CDH20: variants seen among roughly 807,000 people sequenced by gnomAD.
CDH20 encodes cadherin 20, also known as cadherin-20.
A neutral mutation model predicts 74.2 loss-of-function variants in CDH20; 29 were observed. The ratio of observed to expected loss-of-function variants is 0.39; its 90% CI spans 0.29 to 0.53. The LOEUF (loss-of-function observed/expected upper bound fraction) is 0.53. Ranked by LOEUF, CDH20 falls within the 20% of genes least tolerant of loss-of-function variation. CDH20 has a pLI of 0.69. For synonymous variants in CDH20, 469 were observed against 405.4 expected (o/e 1.16, Z -1.88); for missense variants, 988 against 1,048.3 (o/e 0.94, Z 0.79).
intron 1 of CDH20, among the ~76,000 whole-genome samples, chr18:61,405,996 G>A (rs1244807256): frequency 2.6e-5 from 4 of 152,036 alleles, no homozygotes; most frequent in Non-Finnish European, 5.9e-5. Flanking sequence ...CCTCCTTCTT[G>A]GCATTCATCT....
intron 6 of CDH20, among the ~76,000 whole-genome samples, chr18:61,527,366 A>AACAG (rs1555683338): frequency 7.0e-6 from 1 of 142,054 alleles, no homozygotes; most frequent in Admixed American, 7.3e-5. Context: ...TGAATATTCT[A>AACAG]ATAGATAGAT....
chr18:61,439,881 T>C (rs1375486480), intron 1 of CDH20, among the ~76,000 whole-genome samples: 1 of 152,134 alleles, frequency 6.6e-6, no homozygotes, highest in Non-Finnish European at 1.5e-5. Context: ...TTTGGCATAT[T>C]CCTATTTCAA....
chr18:61,485,776 G>GA (rs559579867), intron 1 of CDH20, among the ~76,000 whole-genome samples: 177 of 152,164 alleles, frequency 1.2e-3, no homozygotes, highest in African/African-American at 3.7e-3. Flanking sequence ...TCGAGAAATA[G>GA]AAAAAAACCC....
At chr18:61,464,733 CA>C (rs1909907461) in intron 1 of CDH20, among the ~76,000 whole-genome samples, 1 of 152,156 alleles carries the variant, frequency 6.6e-6, no homozygotes, top group Non-Finnish European at 1.5e-5. Flanking sequence ...CAACCACACC[CA>C]TTTATCAATA....
chr18:61,408,816 C>G (rs1912408886), intron 1 of CDH20, among the ~76,000 whole-genome samples: 1 of 152,156 alleles, frequency 6.6e-6, no homozygotes, highest in Non-Finnish European at 1.5e-5. Context: ...AACCCACCAC[C>G]TTTTTACTCA....
chr18:61,540,446 G>A (rs918481460), intron 9 of CDH20, among the ~76,000 whole-genome samples: 2 of 152,098 alleles, frequency 1.3e-5, no homozygotes, highest in Non-Finnish European at 2.9e-5. Flanking sequence ...CACGTGGCTG[G>A]GGAGGCCTCA....
At chr18:61,499,566 G>A in intron 3 of CDH20, 86 bp downstream of exon 3, 2 of 1,059,248 alleles carry the variant, frequency 1.9e-6, no homozygotes, top group Admixed American at 2.3e-5. Context: ...ACACACACAT[G>A]TAGATACACA....
rs9807307 is a variant in CDH20 at position 61,425,467 on chromosome 18, G to A, written c.-152-64935G>A. On this transcript the variant is annotated intron_variant, in intron 1 of 11. Coordinates refer to ENST00000262717, the MANE Select transcript of CDH20 (RefSeq NM_031891.4). Reference sequence around the variant, plus strand: ...GTGCCTCTCTCACTGCCCCTCAGACGGTGGTACCAAGGTAACCATAGCAAA... The same window carrying A: ...GTGCCTCTCTCACTGCCCCTCAGACAGTGGTACCAAGGTAACCATAGCAAA... Among the ~76,000 whole-genome samples the A allele has an allele frequency of 2.9e-3, 446 of 152,300 alleles. 1 individual carries two copies. Among genetic ancestry groups the A allele is most frequent in the African/African-American group, 0.01 (421 of 41,546 alleles).
intron 1 of CDH20, among the ~76,000 whole-genome samples, chr18:61,361,974 T>C (rs547440209): frequency 7.9e-5 from 12 of 152,186 alleles, no homozygotes; most frequent in Admixed American, 3.3e-4. Context: ...CTTGGTCTTA[T>C]AGCAGCTCTG....
intron 1 of CDH20, among the ~76,000 whole-genome samples, chr18:61,461,142 T>C (rs1909754192): frequency 6.6e-6 from 1 of 152,092 alleles, no homozygotes; most frequent in Non-Finnish European, 1.5e-5. Context: ...GGTATTTGAA[T>C]TTAATATTAA....
At chr18:61,399,926 T>C (rs957637296) in intron 1 of CDH20, among the ~76,000 whole-genome samples, 3 of 152,254 alleles carry the variant, frequency 2.0e-5, no homozygotes, top group Admixed American at 2.0e-4. Flanking sequence ...CAGTTTTAAT[T>C]GAATTGTATT....
chr18:61,342,375 T>G (rs909179219), intron 1 of CDH20, among the ~76,000 whole-genome samples: 3 of 152,234 alleles, frequency 2.0e-5, no homozygotes, highest in Non-Finnish European at 4.4e-5. Flanking sequence ...ACTTTGTAGA[T>G]GCAGAAACTG....
intron 7 of CDH20, among the ~76,000 whole-genome samples, chr18:61,536,188 G>C (rs1396654239): frequency 6.6e-6 from 1 of 152,034 alleles, no homozygotes; most frequent in Non-Finnish European, 1.5e-5. Flanking sequence ...AAAATTCTTG[G>C]GGTAATTCCA....
intron 3 of CDH20, 87 bp from the exon 4 acceptor site, chr18:61,500,294 TTG>T (rs1911328491): frequency 7.2e-7 from 1 of 1,389,958 alleles, no homozygotes; most frequent in South Asian, 1.6e-5. Flanking sequence ...GCAAACACAT[TTG>T]CAAATGCTTT....
intron 1 of CDH20, among the ~76,000 whole-genome samples, chr18:61,373,032 A>G (rs1172197185): frequency 6.6e-6 from 1 of 151,854 alleles, no homozygotes; most frequent in Non-Finnish European, 1.5e-5. Context: ...CCATCTCTAG[A>G]CTCTGTGGGC....
At chr18:61,365,247 T>C (rs1229246828) in intron 1 of CDH20, among the ~76,000 whole-genome samples, 4 of 152,218 alleles carry the variant, frequency 2.6e-5, no homozygotes, top group East Asian at 1.9e-4. Context: ...ATTCCCTCCA[T>C]GAGGAATGAA....
chr18:61,508,146 C>A (rs1170541040), intron 6 of CDH20, among the ~76,000 whole-genome samples: 1 of 152,196 alleles, frequency 6.6e-6, no homozygotes, highest in African/African-American at 2.4e-5. Flanking sequence ...TATGGATATA[C>A]TGAGCTAGAA....
At chr18:61,458,566 A>C (rs1427786990) in intron 1 of CDH20, among the ~76,000 whole-genome samples, 1 of 152,198 alleles carries the variant, frequency 6.6e-6, no homozygotes, top group Non-Finnish European at 1.5e-5. Flanking sequence ...TGTAGGCAGC[A>C]ATAGAGCCTC....
chr18:61,463,152 TCTTTTCC>T (rs910492298), intron 1 of CDH20, among the ~76,000 whole-genome samples: 6 of 152,180 alleles, frequency 3.9e-5, no homozygotes, highest in African/African-American at 1.4e-4. Flanking sequence ...TTCTGTTGTC[TCTTTTCC>T]CTTTTCCCCT....
Sources: gnomAD v4.1 joint callset for allele counts (sites outside exome capture counted in the v4.1 genomes callset) on GRCh38, gnomAD v4.1.1 for gene constraint, MANE v1.5 for transcripts, NCBI Gene and HGNC (gene_info 2026-07-23, HGNC 2026-07-21) for gene names.